Variants in C1QTNF9 observed in about 807,000 individuals in gnomAD.
The protein encoded by C1QTNF9 is complement C1q and tumor necrosis factor-related protein 9A.
C1QTNF9 carries 6 observed loss-of-function variants against 10.1 expected under a neutral mutation model. That is an observed-to-expected ratio of 0.59 (90% confidence interval 0.32 to 1.17). C1QTNF9 has a LOEUF of 1.17. Ranked by LOEUF, C1QTNF9 falls within the 50% of genes most tolerant of loss-of-function variation. The pLI, the probability that C1QTNF9 is intolerant of heterozygous loss-of-function variation, is 0.04. For missense variants in C1QTNF9, 201 were observed against 418.8 expected (o/e 0.48, Z 4.54); for synonymous variants, 98 against 163.5 (o/e 0.60, Z 3.06).
At chr13:24,309,356 G>A (rs1877728668), upstream of C1QTNF9, among the ~76,000 whole-genome samples, 1 of 148,376 alleles carries the variant, frequency 6.7e-6, no homozygotes. Flanking sequence ...CCCCTTGAAA[G>A]TATTCCCTCA....
intron 1 of C1QTNF9, among the ~76,000 whole-genome samples, chr13:24,311,639 C>T (rs1405841625): frequency 2.0e-5 from 3 of 152,214 alleles, no homozygotes; most frequent in Non-Finnish European, 4.4e-5. Context: ...TTCTGAAGAG[C>T]GGCCGCACCT....
In C1QTNF9 at chr13:24,309,608, A is replaced by C. The variant is rs1205258891; in HGVS notation, c.-31A>C. 10 of 151,966 alleles carry C rather than the reference A, an allele frequency of 6.6e-5. No homozygotes were observed. The East Asian group carries it at 1.4e-3, about 21-fold the overall frequency. 9.4% of individuals were successfully genotyped at this position (151,966 alleles called of 1,614,324 possible). On this transcript the variant is annotated 5_prime_UTR_variant, in exon 1 of 4. Coordinates refer to ENST00000332018, the Ensembl canonical transcript of C1QTNF9. Reference sequence around the variant, plus strand: ...GTATCTGGGTCCAGCCTGCAGCCCTAGGGTCCAGGTAAGTTCATCAGGAAA... The same window carrying C: ...GTATCTGGGTCCAGCCTGCAGCCCTCGGGTCCAGGTAAGTTCATCAGGAAA...
chr13:24,314,148 C>T (rs1337940688), intron 1 of C1QTNF9, among the ~76,000 whole-genome samples: 1 of 152,090 alleles, frequency 6.6e-6, no homozygotes, highest in Non-Finnish European at 1.5e-5. Context: ...TTAACTTTTC[C>T]AGAAAGATGT....
At chr13:24,316,707 T>A (rs961758170) in intron 2 of C1QTNF9, among the ~76,000 whole-genome samples, 1 of 152,154 alleles carries the variant, frequency 6.6e-6, no homozygotes, top group African/African-American at 2.4e-5. Context: ...TGCATCTATA[T>A]GACCTAGGTT....
chr13:24,319,383 A>T (rs1246718700), intron 3 of C1QTNF9, among the ~76,000 whole-genome samples: 1 of 152,090 alleles, frequency 6.6e-6, no homozygotes, highest in Non-Finnish European at 1.5e-5. Flanking sequence ...TACAAATAAA[A>T]AAAAAATTAG....
chr13:24,316,562 C>T lies in C1QTNF9; in HGVS notation c.166+393C>T, dbSNP rs376751573. On this transcript the variant is annotated intron_variant, in intron 2 of 3. Transcript: ENST00000332018. ...AAAGGCTAATAGAGAGATCTGATCA[C>T]GAATTATTTGGCAGCAAGCACCCAG... Among the ~76,000 whole-genome samples the T allele has an allele frequency of 8.7e-4, 133 of 152,314 alleles. 2 individuals are homozygous for T. The highest frequency in any genetic ancestry group is 3.0e-3 in the African/African-American group (126 of 41,566).
intron 1 of C1QTNF9, among the ~76,000 whole-genome samples, chr13:24,310,321 T>C (rs1877765131): frequency 1.5e-4 from 1 of 6,766 alleles, no homozygotes; most frequent in African/African-American, 5.2e-4. Flanking sequence ...GCCTGGCTAC[T>C]TTTTTTTTTT....
intron 1 of C1QTNF9, among the ~76,000 whole-genome samples, chr13:24,313,921 A>C (rs531110453): frequency 6.6e-6 from 1 of 152,358 alleles, no homozygotes; most frequent in South Asian, 2.1e-4. Context: ...TATCATTTAC[A>C]TATTTCTACA....
intron 2 of C1QTNF9, among the ~76,000 whole-genome samples, chr13:24,317,763 C>T (rs558598872): frequency 3.3e-5 from 5 of 150,934 alleles, no homozygotes; most frequent in South Asian, 2.1e-4. Context: ...CAGAGGCCAC[C>T]GCTCTAGAGA....
chr13:24,312,550 CA>C (rs948259488), intron 1 of C1QTNF9, among the ~76,000 whole-genome samples: 4 of 152,074 alleles, frequency 2.6e-5, no homozygotes, highest in African/African-American at 9.7e-5. Flanking sequence ...TTTTATTTTT[CA>C]AAATAACATT....
intron 1 of C1QTNF9, among the ~76,000 whole-genome samples, chr13:24,312,723 G>T (rs1329046818): frequency 6.6e-6 from 1 of 151,940 alleles, no homozygotes; most frequent in South Asian, 2.1e-4. Flanking sequence ...TTGGGAGGCC[G>T]AGGTGGGCGA....
exon 4 of C1QTNF9, chr13:24,321,819 A>T: frequency 6.6e-7 from 1 of 1,505,096 alleles, no homozygotes; most frequent in Non-Finnish European, 8.9e-7. Context: ...TCAGCTTGGG[A>T]TGAACTTATT....
rs567768780 is a variant in C1QTNF9 at position 24,319,379 on chromosome 13, T to TA, written c.229+509dup. On this transcript the variant is annotated intron_variant, in intron 3 of 3. Coordinates refer to ENST00000332018, the Ensembl canonical transcript of C1QTNF9. ...CATAGTAAGACTTTGTCTATACAAATAAAAAAAAAATTAGCTGGGCATTGT... is the reference window on the plus strand; with the variant it reads ...CATAGTAAGACTTTGTCTATACAAATAAAAAAAAAAATTAGCTGGGCATTGT... Among the ~76,000 whole-genome samples, 740 of 149,068 alleles carry TA rather than the reference T, an allele frequency of 5.0e-3. 4 individuals are homozygous for TA. The highest frequency in any genetic ancestry group is 0.015 in the African/African-American group (623 of 40,636).
At chr13:24,313,639 A>T (rs943626620) in intron 1 of C1QTNF9, among the ~76,000 whole-genome samples, 3 of 152,150 alleles carry the variant, frequency 2.0e-5, no homozygotes, top group Admixed American at 2.0e-4. Context: ...TTTGCATTAG[A>T]CTGCTCCCTG....
At chr13:24,321,166 G>C (rs1218448071) in exon 4 of C1QTNF9, 1 of 1,395,786 alleles carries the variant, frequency 7.2e-7, no homozygotes, top group Non-Finnish European at 9.5e-7. Context: ...GGGTCCCACT[G>C]GTCCTGAGGG....
At chr13:24,318,221 A>G (rs976370319) in intron 2 of C1QTNF9, among the ~76,000 whole-genome samples, 2 of 152,146 alleles carry the variant, frequency 1.3e-5, no homozygotes, top group African/African-American at 4.8e-5. Flanking sequence ...GAGCACAAGG[A>G]CTTGAGTGTA....
At chr13:24,309,873 T>C (rs554708651) in intron 1 of C1QTNF9, among the ~76,000 whole-genome samples, 1 of 152,248 alleles carries the variant, frequency 6.6e-6, no homozygotes, top group Non-Finnish European at 1.5e-5. Flanking sequence ...AGAAAAACCA[T>C]AGAATAAGTC....
At chr13:24,312,502 G>T (rs1273812414) in intron 1 of C1QTNF9, among the ~76,000 whole-genome samples, 2 of 152,086 alleles carry the variant, frequency 1.3e-5, no homozygotes, top group African/African-American at 4.8e-5. Context: ...GAAACTGAGG[G>T]TCCAACCCAT....
At position 24,316,172 on chromosome 13, in the gene C1QTNF9, A is replaced by T; in HGVS notation, c.166+3A>T. On this transcript the variant is annotated splice_donor_region_variant and intron_variant, in intron 2 of 3. Coordinates refer to ENST00000332018, the Ensembl canonical transcript of C1QTNF9. ...GAAGGGTGACAAAGGCGATGCAGGT[A>T]CTCACCTGACGGCTTCGGCTGCCTT... is the stretch of plus-strand genomic sequence containing the variant. The T allele has an allele frequency of 6.3e-7, 1 of 1,584,762 alleles. No homozygotes were observed.
Sources: gnomAD v4.1 joint callset for allele counts (sites outside exome capture counted in the v4.1 genomes callset) on GRCh38, gnomAD v4.1.1 for gene constraint, MANE v1.5 for transcripts, NCBI Gene and HGNC (gene_info 2026-07-23, HGNC 2026-07-21) for gene names.